Variants in PARD3B observed in about 807,000 individuals in gnomAD.
PARD3B encodes partitioning defective 3 homolog B.
PARD3B carries 103 observed loss-of-function variants against 130.2 expected under a neutral mutation model. That is an observed-to-expected ratio of 0.79 (90% CI 0.67 to 0.93). The LOEUF (loss-of-function observed/expected upper bound fraction) is 0.93. Among genes scored for constraint, PARD3B ranks in the 40% least tolerant of loss-of-function variants. PARD3B has a pLI of 0.00. For missense variants in PARD3B, 1,609 were observed against 1,499.2 expected (o/e 1.07, Z -1.21); for synonymous variants, 583 against 553.2 (o/e 1.05, Z -0.76).
intron 20 of PARD3B, among the ~76,000 whole-genome samples, chr2:205,491,822 C>A (rs895300541): frequency 6.6e-6 from 1 of 152,126 alleles, no homozygotes; most frequent in Non-Finnish European, 1.5e-5. Context: ...CCTCAGGTTG[C>A]CATGGTGAGG....
At chr2:205,314,246 A>T (rs931357152) in intron 18 of PARD3B, among the ~76,000 whole-genome samples, 2 of 152,234 alleles carry the variant, frequency 1.3e-5, no homozygotes, top group Non-Finnish European at 2.9e-5. Flanking sequence ...ATGAGAGATG[A>T]ATGTGGCAAA....
chr2:205,165,049 T>G (rs916338644), intron 11 of PARD3B, among the ~76,000 whole-genome samples: 4 of 151,760 alleles, frequency 2.6e-5, no homozygotes, highest in Non-Finnish European at 4.4e-5. Flanking sequence ...AGTAAATCAA[T>G]AAGATAAGTA....
intron 3 of PARD3B, among the ~76,000 whole-genome samples, chr2:205,020,388 T>G (rs964363726): frequency 6.6e-6 from 1 of 152,096 alleles, no homozygotes; most frequent in Non-Finnish European, 1.5e-5. Flanking sequence ...AGGAATAGGT[T>G]TATACAATTT....
intron 3 of PARD3B, among the ~76,000 whole-genome samples, chr2:204,999,537 G>C (rs1055956571): frequency 2.0e-5 from 3 of 152,238 alleles, no homozygotes; most frequent in African/African-American, 7.2e-5. Context: ...AGTTCCAAGC[G>C]CACCCAATCT....
chr2:205,200,205 T>A (rs879647319), intron 15 of PARD3B, among the ~76,000 whole-genome samples: 2 of 152,350 alleles, frequency 1.3e-5, no homozygotes, highest in Admixed American at 6.5e-5. Context: ...TGAAATGTGC[T>A]AATTAATGTC....
intron 2 of PARD3B, among the ~76,000 whole-genome samples, chr2:204,690,296 T>C (rs2037295381): frequency 6.6e-6 from 1 of 152,148 alleles, no homozygotes; most frequent in African/African-American, 2.4e-5. Flanking sequence ...CTGTTTTCAG[T>C]AGGCAGAGTA....
intron 3 of PARD3B, among the ~76,000 whole-genome samples, chr2:205,008,946 G>C (rs1695493749): frequency 1.3e-5 from 2 of 152,048 alleles, no homozygotes; most frequent in Non-Finnish European, 2.9e-5. Flanking sequence ...TTACCATCCA[G>C]GCTACACTGT....
At chr2:204,711,776 G>C (rs538386414) in intron 2 of PARD3B, among the ~76,000 whole-genome samples, 2 of 152,198 alleles carry the variant, frequency 1.3e-5, no homozygotes, top group South Asian at 4.1e-4. Flanking sequence ...TCGAACTCCT[G>C]ACTTCAATTG....
At chr2:204,710,454 A>G (rs758405408) in intron 2 of PARD3B, among the ~76,000 whole-genome samples, 5 of 152,176 alleles carry the variant, frequency 3.3e-5, no homozygotes, top group Admixed American at 3.3e-4. Flanking sequence ...ATGTTGAGAT[A>G]TTTGATAGGT....
Position 204,553,612 on chromosome 2 carries a change from GGC to G in PARD3B, c.120+7494_120+7495del, listed in dbSNP as rs548244020. ...TATATACATATATATGTATATATAT[GGC>G]TATATACATATATATGGATATATAT... On this transcript the variant is annotated intron_variant, in intron 1 of 22. Coordinates refer to ENST00000406610, the MANE Select transcript of PARD3B (RefSeq NM_001302769.2). Among the ~76,000 whole-genome samples the G allele has an allele frequency of 8.0e-3, 711 of 88,406 alleles. 11 individuals are homozygous for G. Among genetic ancestry groups the G allele is most frequent in the African/African-American group, 0.026 (584 of 22,782 alleles). 58.0% of individuals were successfully genotyped at this position (88,406 alleles called of 152,430 possible). A position where few individuals can be genotyped will look rare whatever the true frequency, so the allele number is the denominator to read the frequency against.
intron 18 of PARD3B, among the ~76,000 whole-genome samples, chr2:205,394,017 T>C (rs2045943703): frequency 6.6e-6 from 1 of 152,150 alleles, no homozygotes; most frequent in African/African-American, 2.4e-5. Context: ...TCTAGGGACT[T>C]AGTTTAATTG....
At position 204,759,759 on chromosome 2, in the gene PARD3B, C is replaced by T. The variant is rs1373375158; in HGVS notation, c.222+73477C>T. On this transcript the variant is annotated intron_variant, in intron 2 of 22. Transcript: ENST00000406610. ...AGAGATGCCACTAATTTTATATTCC[C>T]ACAACTGTTTATGTGATTATACCTG... Among the ~76,000 whole-genome samples the T allele has an allele frequency of 6.2e-4, 94 of 152,034 alleles. 1 individual carries two copies. The highest frequency in any genetic ancestry group is 6.2e-3 in the Admixed American group (94 of 15,250).
chr2:205,573,757 A>G lies in PARD3B; in HGVS notation c.3260+20354A>G, dbSNP rs550978815. Among the ~76,000 whole-genome samples the G allele has an allele frequency of 1.8e-4, 27 of 152,316 alleles. No homozygotes were observed. In the East Asian group the frequency reaches 3.1e-3, roughly 17 times the overall value. On this transcript the variant is annotated intron_variant, in intron 22 of 22. Transcript: ENST00000406610. ...AAAAGCCAACTTTTTTTTACAAGGA[A>G]TATCTATAGTTAATAAAACATCGAT... is the stretch of plus-strand genomic sequence containing the variant.
intron 2 of PARD3B, among the ~76,000 whole-genome samples, chr2:204,760,497 T>G (rs1023991362): frequency 3.3e-5 from 5 of 152,076 alleles, no homozygotes; most frequent in African/African-American, 1.2e-4. Flanking sequence ...AATCATGACT[T>G]TACAAATTAC....
chr2:204,562,441 T>C (rs1003119155), intron 1 of PARD3B, among the ~76,000 whole-genome samples: 3 of 152,256 alleles, frequency 2.0e-5, no homozygotes, highest in Non-Finnish European at 2.9e-5. Flanking sequence ...TGGATTATAA[T>C]GCCACGTACC....
intron 4 of PARD3B, among the ~76,000 whole-genome samples, chr2:205,058,678 T>C (rs564234500): frequency 1.6e-4 from 25 of 152,140 alleles, no homozygotes; most frequent in African/African-American, 5.1e-4. Flanking sequence ...GATTTGCATT[T>C]CCCTAATGCT....
chr2:205,063,817 A>C lies in PARD3B; in HGVS notation c.504+16127A>C, dbSNP rs1700199127. Among the ~76,000 whole-genome samples, 2 of 152,196 alleles carry C rather than the reference A, an allele frequency of 1.3e-5. 1 individual carries two copies. The highest frequency in any genetic ancestry group is 4.8e-5 in the African/African-American group (2 of 41,458). On this transcript the variant is annotated intron_variant, in intron 4 of 22. Coordinates refer to ENST00000406610, the MANE Select transcript of PARD3B (RefSeq NM_001302769.2). Reference sequence around the variant, plus strand: ...ATAGAACATATAAGAGATGTCAAGAATAATTCCCACTTTTCATGTTTGGGT... The same window carrying C: ...ATAGAACATATAAGAGATGTCAAGACTAATTCCCACTTTTCATGTTTGGGT...
chr2:204,684,867 T>C (rs958443401), intron 1 of PARD3B, among the ~76,000 whole-genome samples: 6 of 152,176 alleles, frequency 3.9e-5, no homozygotes, highest in Admixed American at 6.6e-5. Context: ...AATTCAATAC[T>C]GTATGGAGAA....
chr2:205,401,183 A>G, intron 19 of PARD3B, 60 bp downstream of exon 19: 1 of 1,296,466 alleles, frequency 7.7e-7, no homozygotes, highest in Non-Finnish European at 1.1e-6. Flanking sequence ...TTTAATTTAG[A>G]TATTGCAACA....
Sources: allele counts gnomAD v4.1 joint callset (sites outside exome capture counted in the v4.1 genomes callset), GRCh38; gene constraint gnomAD v4.1.1; transcripts MANE v1.5; gene names NCBI Gene and HGNC (gene_info 2026-07-23, HGNC 2026-07-21).